The following ACSS3 variants were observed in gnomAD, a reference collection of about 807,000 sequenced individuals.
The protein encoded by ACSS3 is acyl-CoA synthetase short-chain family member 3, mitochondrial.
Under a neutral mutation model 84.2 loss-of-function variants are expected in ACSS3, and 64 were observed. The ratio of observed to expected loss-of-function variants is 0.76; its 90% CI spans 0.62 to 0.94. ACSS3 has a LOEUF of 0.94. Among genes scored for constraint, ACSS3 ranks in the 40% least tolerant of loss-of-function variants. The pLI, the probability that ACSS3 is intolerant of heterozygous loss-of-function variation, is 0.00. For synonymous variants in ACSS3, 317 were observed against 310.1 expected, an observed-to-expected ratio of 1.02 and a Z score of -0.23; for missense variants, 815 against 867.6, an observed-to-expected ratio of 0.94 and a Z score of 0.76.
intron 1 of ACSS3, among the ~76,000 whole-genome samples, chr12:81,093,528 G>T (rs1881813312): frequency 6.6e-6 from 1 of 150,540 alleles, no homozygotes; most frequent in South Asian, 2.1e-4. Flanking sequence ...TGTAAAAATA[G>T]GTATTACTTT....
intron 9 of ACSS3, among the ~76,000 whole-genome samples, chr12:81,212,723 GT>G (rs1370326868): frequency 1.3e-5 from 2 of 152,202 alleles, no homozygotes; most frequent in East Asian, 3.9e-4. Context: ...TGTCTTCCCT[GT>G]TTTTACTTCA....
chr12:81,097,256 T>C (rs1420642810), intron 1 of ACSS3, among the ~76,000 whole-genome samples: 1 of 152,180 alleles, frequency 6.6e-6, no homozygotes, highest in Non-Finnish European at 1.5e-5. Context: ...TATTTTTGGC[T>C]TTGCAGGCCA....
At position 81,142,068 on chromosome 12, in the gene ACSS3, A is replaced by G. The variant is rs1230620324; in HGVS notation, c.781-1039A>G. Among the ~76,000 whole-genome samples the G allele has an allele frequency of 4.6e-5, 7 of 152,344 alleles. No individual in the cohort carries two copies. The East Asian group carries it at 1.3e-3, about 29-fold the overall frequency. On this transcript the variant is annotated intron_variant, in intron 4 of 15. Coordinates refer to ENST00000548058, the MANE Select transcript of ACSS3 (RefSeq NM_024560.4). Reference sequence around the variant, plus strand: ...TGAACAGTTTTTACAACCCTGATTAATGTATTAAGCAGCTTAGAAAATGGA... The same window carrying G: ...TGAACAGTTTTTACAACCCTGATTAGTGTATTAAGCAGCTTAGAAAATGGA...
intron 5 of ACSS3, among the ~76,000 whole-genome samples, chr12:81,145,025 C>T (rs1361029749): frequency 8.7e-5 from 13 of 149,650 alleles, no homozygotes; most frequent in Non-Finnish European, 3.0e-5. Flanking sequence ...CTTAGCCCCC[C>T]GAGTAGCTGG....
intron 8 of ACSS3, among the ~76,000 whole-genome samples, chr12:81,192,153 G>A (rs962111658): frequency 2.0e-5 from 3 of 151,718 alleles, no homozygotes; most frequent in East Asian, 1.9e-4. Flanking sequence ...AGGCTGAGGC[G>A]GGTGGATCAC....
chr12:81,179,309 C>A (rs202129614), intron 8 of ACSS3, among the ~76,000 whole-genome samples: 1,637 of 120,034 alleles, frequency 0.014, 16 homozygotes, highest in African/African-American at 0.022. Flanking sequence ...AAAAAAAACA[C>A]AAAAAAAACC....
At chr12:81,211,970 C>G (rs2032610546) in intron 9 of ACSS3, among the ~76,000 whole-genome samples, 1 of 152,194 alleles carries the variant, frequency 6.6e-6, no homozygotes, top group South Asian at 2.1e-4. Context: ...CTCAGGACCT[C>G]TGAACTTGAG....
intron 13 of ACSS3, among the ~76,000 whole-genome samples, chr12:81,245,161 C>T (rs2033941586): frequency 6.6e-6 from 1 of 151,992 alleles, no homozygotes; most frequent in African/African-American, 2.4e-5. Flanking sequence ...TAGATTTTTC[C>T]CCTCTTAAAA....
At chr12:81,189,870 G>A (rs958680112) in intron 8 of ACSS3, among the ~76,000 whole-genome samples, 2 of 152,018 alleles carry the variant, frequency 1.3e-5, no homozygotes, top group East Asian at 1.9e-4. Context: ...GAAGTAAGGC[G>A]CTGAGTTTTA....
intron 1 of ACSS3, among the ~76,000 whole-genome samples, chr12:81,088,971 G>C (rs1881496690): frequency 6.6e-6 from 1 of 151,744 alleles, no homozygotes; most frequent in African/African-American, 2.4e-5. Flanking sequence ...TGGGAGGAAG[G>C]GAGCTTTAAA....
At chr12:81,143,073 T>C in intron 4 of ACSS3, 34 bp from the exon 5 acceptor site, 1 of 1,589,254 alleles carries the variant, frequency 6.3e-7, no homozygotes, top group Non-Finnish European at 8.6e-7. Flanking sequence ...AATCTCCTTA[T>C]TACAGTACAT....
At chr12:81,187,737 G>A (rs1439353351) in intron 8 of ACSS3, among the ~76,000 whole-genome samples, 1 of 151,840 alleles carries the variant, frequency 6.6e-6, no homozygotes, top group Non-Finnish European at 1.5e-5. Flanking sequence ...AAGCAACAAG[G>A]GTTGTTTGAG....
At chr12:81,110,788 G>T (rs1341232114) in intron 2 of ACSS3, among the ~76,000 whole-genome samples, 1 of 152,180 alleles carries the variant, frequency 6.6e-6, no homozygotes, top group Non-Finnish European at 1.5e-5. Flanking sequence ...AGAAACTGAA[G>T]TTGAGCAGAG....
chr12:81,155,000 T>C (rs1052183330), intron 7 of ACSS3, among the ~76,000 whole-genome samples: 1 of 152,216 alleles, frequency 6.6e-6, no homozygotes. Flanking sequence ...GTGCCCCTTT[T>C]TGTGGTCCCG....
intron 13 of ACSS3, 45 bp from the exon 14 acceptor site, chr12:81,253,262 A>G (rs1482379622): frequency 6.5e-7 from 1 of 1,528,822 alleles, no homozygotes; most frequent in South Asian, 1.1e-5. Flanking sequence ...ATATACATAT[A>G]TGGTAAATAA....
intron 1 of ACSS3, among the ~76,000 whole-genome samples, chr12:81,081,459 T>G (rs543123069): frequency 3.3e-5 from 5 of 152,144 alleles, no homozygotes; most frequent in Non-Finnish European, 7.4e-5. Context: ...AAGTCTCTAT[T>G]AGAGAGACTT....
chr12:81,098,151 A>AGTGT (rs1555243703), intron 1 of ACSS3, among the ~76,000 whole-genome samples: 1,382 of 129,234 alleles, frequency 0.011, 9 homozygotes, highest in Middle Eastern at 0.015. Flanking sequence ...AGAGAGAGAG[A>AGTGT]GTGTGTGTGT....
intron 8 of ACSS3, among the ~76,000 whole-genome samples, chr12:81,195,153 A>G (rs1205246823): frequency 6.6e-6 from 1 of 152,062 alleles, no homozygotes; most frequent in African/African-American, 2.4e-5. Flanking sequence ...CACTGCTGGG[A>G]TCAGCCAAAC....
chr12:81,102,646 C>A (rs994896349), intron 1 of ACSS3, among the ~76,000 whole-genome samples: 1 of 150,014 alleles, frequency 6.7e-6, no homozygotes, highest in Non-Finnish European at 1.5e-5. Flanking sequence ...CATGTTGAAA[C>A]CCCATTTCTA....
Sources: allele counts gnomAD v4.1 joint callset (sites outside exome capture counted in the v4.1 genomes callset), GRCh38; gene constraint gnomAD v4.1.1; transcripts MANE v1.5; gene names NCBI Gene and HGNC (gene_info 2026-07-23, HGNC 2026-07-21).